The following DSCAM variants were observed in gnomAD, a reference collection of about 807,000 sequenced individuals.
The protein encoded by DSCAM is DS cell adhesion molecule.
Under a neutral mutation model 217.7 loss-of-function variants are expected in DSCAM, and 47 were observed. The ratio of observed to expected loss-of-function variants is 0.22; its 90% CI spans 0.17 to 0.28. DSCAM has a LOEUF of 0.28. Ranked by LOEUF, DSCAM falls within the 10% of genes least tolerant of loss-of-function variation. The probability of loss-of-function intolerance (pLI) is 1.00; values close to 1 mark genes in which losing one functional copy is unlikely to be tolerated. For synonymous variants in DSCAM, 1,056 were observed against 1,015.3 expected (o/e 1.04, Z -0.76); for missense variants, 2,080 against 2,618.3 (o/e 0.79, Z 4.49).
intron 4 of DSCAM, among the ~76,000 whole-genome samples, chr21:40,354,474 C>G (rs149408929): frequency 0.013 from 1,959 of 152,176 alleles, 42 homozygotes; most frequent in African/African-American, 0.045. Context: ...CTCAAGTGAT[C>G]CTCCTGCCTG....
At chr21:40,602,410 C>G (rs2077069480) in intron 3 of DSCAM, among the ~76,000 whole-genome samples, 1 of 151,934 alleles carries the variant, frequency 6.6e-6, no homozygotes. Flanking sequence ...CATTTTTTTT[C>G]TTTAAGAGTT....
rs192599667 is a variant in DSCAM, at chr21:40,576,381, T to C, written c.508+116429A>G. Reference sequence around the variant, plus strand: ...TAATTTGTGTTCAAATCAGAAAGGATTGCATCTGGGTTGGGTGCAGGCTGG... The same window carrying C: ...TAATTTGTGTTCAAATCAGAAAGGACTGCATCTGGGTTGGGTGCAGGCTGG... On this transcript the variant is annotated intron_variant, in intron 3 of 32. Transcript: ENST00000400454. Among the ~76,000 whole-genome samples the C allele has an allele frequency of 2.6e-5, 4 of 152,326 alleles. No individual in the cohort carries two copies. The East Asian group carries it at 5.8e-4, about 22-fold the overall frequency.
At chr21:40,536,164 T>G (rs1468827458) in intron 3 of DSCAM, among the ~76,000 whole-genome samples, 1 of 152,150 alleles carries the variant, frequency 6.6e-6, no homozygotes, top group Non-Finnish European at 1.5e-5. Context: ...ATGTTCGATT[T>G]TATGGTTGGA....
At chr21:40,425,958 G>A (rs1362201223) in intron 3 of DSCAM, among the ~76,000 whole-genome samples, 1 of 152,136 alleles carries the variant, frequency 6.6e-6, no homozygotes, top group African/African-American at 2.4e-5. Context: ...GCAGAATAAA[G>A]GACAATGAAG....
At chr21:40,724,271 G>A (rs1209402910) in intron 1 of DSCAM, among the ~76,000 whole-genome samples, 1 of 152,196 alleles carries the variant, frequency 6.6e-6, no homozygotes, top group African/African-American at 2.4e-5. Flanking sequence ...ATCACAGGCA[G>A]TAAAGCACAT....
chr21:40,171,363 C>T (rs1312640801), intron 15 of DSCAM, among the ~76,000 whole-genome samples: 1 of 152,142 alleles, frequency 6.6e-6, no homozygotes, highest in Non-Finnish European at 1.5e-5. Context: ...CAGGTGTGAG[C>T]CACCATGCCA....
chr21:40,442,097 A>G (rs979123659), intron 3 of DSCAM, among the ~76,000 whole-genome samples: 1 of 152,232 alleles, frequency 6.6e-6, no homozygotes, highest in Non-Finnish European at 1.5e-5. Flanking sequence ...AAAGAAACCG[A>G]GCATATTTGC....
Position 40,215,060 on chromosome 21 carries a change from G to A in DSCAM, c.2357-25822C>T, listed in dbSNP as rs1259560933. Among the ~76,000 whole-genome samples the A allele has an allele frequency of 3.4e-5, 3 of 89,294 alleles. 1 individual carries two copies. Among genetic ancestry groups the A allele is most frequent in the Non-Finnish European group, 4.9e-5 (2 of 41,226 alleles). The allele number at this position is 89,294 out of a possible 152,430, so 58.6% of individuals were successfully genotyped here. ...AGGTGAAACCCCGTCTCTACTAAAAGTACAAAAAATTAGCCGGGCGCGGTG... is the reference window on the plus strand; with the variant it reads ...AGGTGAAACCCCGTCTCTACTAAAAATACAAAAAATTAGCCGGGCGCGGTG... On this transcript the variant is annotated intron_variant, in intron 11 of 32. Transcript: ENST00000400454.
intron 1 of DSCAM, among the ~76,000 whole-genome samples, chr21:40,775,531 T>C (rs532641427): frequency 6.6e-6 from 1 of 152,218 alleles, no homozygotes; most frequent in African/African-American, 2.4e-5. Flanking sequence ...AGAAGGCAAA[T>C]TGGAAAAAGC....
At chr21:40,511,037 T>C (rs1269099685) in intron 3 of DSCAM, among the ~76,000 whole-genome samples, 1 of 152,218 alleles carries the variant, frequency 6.6e-6, no homozygotes, top group Non-Finnish European at 1.5e-5. Flanking sequence ...TCCTGACCTT[T>C]AAAAAATGTA....
At chr21:40,527,412 ACT>A (rs1205774186) in intron 3 of DSCAM, among the ~76,000 whole-genome samples, 1 of 152,022 alleles carries the variant, frequency 6.6e-6, no homozygotes, top group African/African-American at 2.4e-5. Context: ...GCTTCTGCAC[ACT>A]CTCTCTCTGA....
At chr21:40,481,771 T>C (rs755745741) in intron 3 of DSCAM, among the ~76,000 whole-genome samples, 5 of 152,184 alleles carry the variant, frequency 3.3e-5, no homozygotes, top group Admixed American at 1.3e-4. Flanking sequence ...CTAACCCACA[T>C]GCACTGCCTA....
rs187046441 is a variant in DSCAM, at chr21:40,504,602, G to A, written c.509-135357C>T. ...AGAACAACAGAAAAACTACATAGGCGATGCGAAAGGCTCAAATAATGCGTG... is the reference window on the plus strand; with the variant it reads ...AGAACAACAGAAAAACTACATAGGCAATGCGAAAGGCTCAAATAATGCGTG... On this transcript the variant is annotated intron_variant, in intron 3 of 32. Coordinates refer to ENST00000400454, the MANE Select transcript of DSCAM (RefSeq NM_001389.5). Among the ~76,000 whole-genome samples the A allele has an allele frequency of 6.0e-4, 92 of 152,256 alleles. 1 individual carries two copies. The highest frequency in any genetic ancestry group is 4.8e-3 in the South Asian group (23 of 4,820).
At chr21:40,150,216 T>C (rs961958724) in intron 16 of DSCAM, among the ~76,000 whole-genome samples, 2 of 152,244 alleles carry the variant, frequency 1.3e-5, no homozygotes, top group Non-Finnish European at 2.9e-5. Context: ...AAAGTTGTAT[T>C]TGGTATTAAC....
intron 3 of DSCAM, among the ~76,000 whole-genome samples, chr21:40,582,249 T>C (rs1315305798): frequency 6.6e-6 from 1 of 152,210 alleles, no homozygotes; most frequent in African/African-American, 2.4e-5. Flanking sequence ...TGCTGAAGTG[T>C]TACAATAGTG....
intron 1 of DSCAM, among the ~76,000 whole-genome samples, chr21:40,810,827 C>T (rs1308654159): frequency 1.3e-5 from 2 of 152,096 alleles, no homozygotes. Context: ...ATTGCTTGAG[C>T]CTTGGAGTTC....
chr21:40,217,055 G>A (rs115301524), intron 11 of DSCAM, among the ~76,000 whole-genome samples: 2,012 of 152,200 alleles, frequency 0.013, 41 homozygotes, highest in African/African-American at 0.044. Context: ...ACACAACCTG[G>A]CTTTCTAAAA....
intron 21 of DSCAM, among the ~76,000 whole-genome samples, chr21:40,089,303 A>G (rs1183887076): frequency 1.3e-5 from 2 of 152,172 alleles, no homozygotes; most frequent in African/African-American, 4.8e-5. Flanking sequence ...GCAGGTTCCC[A>G]CCACAGCCTT....
At chr21:40,174,218 G>C (rs1394752566) in intron 15 of DSCAM, among the ~76,000 whole-genome samples, 1 of 152,182 alleles carries the variant, frequency 6.6e-6, no homozygotes, top group Non-Finnish European at 1.5e-5. Context: ...TGCGCTGAAT[G>C]GTGTGGTCTT....
Sources: gnomAD v4.1 joint callset for allele counts (sites outside exome capture counted in the v4.1 genomes callset) on GRCh38, gnomAD v4.1.1 for gene constraint, MANE v1.5 for transcripts, NCBI Gene and HGNC (gene_info 2026-07-23, HGNC 2026-07-21) for gene names.